OSMR: variants seen among roughly 807,000 people sequenced by gnomAD.
The protein encoded by OSMR is oncostatin-M-specific receptor subunit beta.
Under a neutral mutation model 99.9 loss-of-function variants are expected in OSMR, and 81 were observed. The ratio of observed to expected loss-of-function variants is 0.81; its 90% CI spans 0.68 to 0.97. OSMR has a LOEUF of 0.97. Among genes scored for constraint, OSMR ranks in the 50% least tolerant of loss-of-function variants. The pLI is 0.00. For synonymous variants in OSMR, 406 were observed against 410.4 expected (o/e 0.99, Z 0.13); for missense variants, 1,099 against 1,153.4 (o/e 0.95, Z 0.68).
rs552602539 is a variant in OSMR at position 38,906,240 on chromosome 5, A to T, written c.1285+1737A>T. 3.3e-5 allele frequency among the ~76,000 whole-genome samples: 5 copies of T among 152,090 alleles called. No individual in the cohort carries two copies. In the South Asian group the frequency reaches 1.0e-3, roughly 32 times the overall value. On this transcript the variant is annotated intron_variant, in intron 9 of 17. Coordinates refer to ENST00000274276, the MANE Select transcript of OSMR (RefSeq NM_003999.3). ...AAAAGGGAAGATGGCAAAAGAATAG[A>T]GTTTCTTTTAGATTATAGTAATAAT...
intron 1 of OSMR, among the ~76,000 whole-genome samples, chr5:38,854,353 G>A (rs1740686673): frequency 6.6e-6 from 1 of 152,230 alleles, no homozygotes; most frequent in African/African-American, 2.4e-5. Context: ...AGAACAAGAA[G>A]TGTGGTGAGG....
rs775900413 is a variant in OSMR, at chr5:38,876,367, C to G, written c.240C>G (p.Ile80Met). 2 of 1,612,370 alleles carry G rather than the reference C, an allele frequency of 1.2e-6. No homozygotes were observed. Among genetic ancestry groups the G allele is most frequent in the South Asian group, 2.2e-5 (2 of 90,754 alleles). Residue 80 changes from isoleucine to methionine, a missense_variant, in exon 3 of 18, where the codon ATC becomes ATG. Coordinates refer to ENST00000274276, the MANE Select transcript of OSMR (RefSeq NM_003999.3). ...GTAGGATTGAAACATCCAATGTCAT[C>G]TGGGTGGTAAGTAATTTTTTTGGCT... ...QISRIETSNVIWVGNYSTTVK... is the reference protein window; with the variant it reads ...QISRIETSNVMWVGNYSTTVK...
chr5:38,903,131 G>A (rs948288319), intron 7 of OSMR, among the ~76,000 whole-genome samples: 31 of 152,174 alleles, frequency 2.0e-4, no homozygotes, highest in Non-Finnish European at 8.8e-5. Flanking sequence ...TGAAGCAGGT[G>A]CTCTCTGTGC....
chr5:38,932,825 GCA>G (rs1746822005), intron 17 of OSMR, 45 bp from the exon 18 acceptor site: 1 of 1,611,052 alleles, frequency 6.2e-7, no homozygotes. Context: ...ATGCATGCAT[GCA>G]CACACACAAA....
chr5:38,903,246 A>G (rs908632079), intron 7 of OSMR, among the ~76,000 whole-genome samples: 2 of 152,166 alleles, frequency 1.3e-5, no homozygotes, highest in Non-Finnish European at 2.9e-5. Context: ...GGGATAACAC[A>G]AGCCTTGGAT....
At chr5:38,944,717 A>C in intron 2 of OSMR, 3 of 872,128 alleles carry the variant, frequency 3.4e-6, no homozygotes, top group Non-Finnish European at 5.2e-6. Flanking sequence ...AACTCTAATA[A>C]AAGCAGATAG....
intron 1 of OSMR, among the ~76,000 whole-genome samples, chr5:38,847,240 C>T (rs1161608435): frequency 6.6e-6 from 1 of 152,198 alleles, no homozygotes; most frequent in Non-Finnish European, 1.5e-5. Context: ...TACTTATCAC[C>T]TCTTAGTTTC....
Position 38,925,327 on chromosome 5 carries a change from G to C in OSMR, c.2168G>C (p.Gly723Ala), listed in dbSNP as rs771480578. 6.2e-7 allele frequency: 1 copy of C among 1,613,950 alleles called. No homozygotes were observed. Among genetic ancestry groups the C allele is most frequent in the Non-Finnish European group, 8.5e-7 (1 of 1,179,986 alleles). The part of the protein sequence containing the change: ...FITPFTSAGE[G>A]PSATFTKVTT... ...ACTCCATTCACTAGTGCTGGTGAAG[G>C]CCCCAGTGCTACGTTCACGAAGGTC... is the stretch of plus-strand genomic sequence containing the variant. The change falls in exon 15 of 18, where the codon GGC (glycine) becomes GCC (alanine). Residue 723 changes from glycine (G) to alanine (A), a missense_variant. Physicochemically the swap from Gly to Ala is moderately conservative, Grantham distance 60. Coordinates refer to ENST00000274276, the MANE Select transcript of OSMR (RefSeq NM_003999.3).
intron 1 of OSMR, among the ~76,000 whole-genome samples, chr5:38,861,286 G>A (rs1365948021): frequency 2.0e-5 from 3 of 152,034 alleles, no homozygotes; most frequent in Non-Finnish European, 4.4e-5. Flanking sequence ...CAGTGTTTGT[G>A]TCCCTGGGTA....
chr5:38,864,540 G>GTTTTTTTTTTTT (rs33918195), intron 1 of OSMR, among the ~76,000 whole-genome samples: 3 of 147,252 alleles, frequency 2.0e-5, no homozygotes, highest in African/African-American at 2.5e-5. Flanking sequence ...CTTGCCTGAA[G>GTTTTTTTTTTTT]TTTTTTTTTT....
In OSMR at chr5:38,931,905, A is replaced by G. The variant is rs1169000059; in HGVS notation, c.2235A>G (p.Leu745=). 10 of 1,613,570 alleles carry G rather than the reference A, an allele frequency of 6.2e-6. No homozygotes were observed. Among genetic ancestry groups the G allele is most frequent in the Non-Finnish European group, 8.5e-6 (10 of 1,179,568 alleles). The change falls in exon 16 of 18, where the codon CTA becomes CTG. Residue 745 remains leucine (L), a synonymous_variant. Transcript: ENST00000274276. ...DEHSSMLIHI[L]LPMVFCVLLI... ...CAGCCTCGATGCTGATTCATATCCT[A>G]CTGCCCATGGTTTTCTGCGTCTTGC...
intron 7 of OSMR, among the ~76,000 whole-genome samples, chr5:38,889,252 G>C (rs1743997555): frequency 6.6e-6 from 1 of 151,744 alleles, no homozygotes; most frequent in East Asian, 1.9e-4. Context: ...GTATTTGTTT[G>C]GCCGCCTTCC....
Position 38,873,341 on chromosome 5 carries a change from T to C in OSMR, c.74-2860T>C, listed in dbSNP as rs1742538309. On this transcript the variant is annotated intron_variant, in intron 2 of 17. Coordinates refer to ENST00000274276, the MANE Select transcript of OSMR (RefSeq NM_003999.3). ...GTTTGTTCATCTGGTCATCCACTGA[T>C]GAAAGTTTCAGTTGTTTCCACCTCT... 2.0e-5 allele frequency among the ~76,000 whole-genome samples: 3 copies of C among 152,262 alleles called. No individual in the cohort carries two copies. In the South Asian group the frequency reaches 6.2e-4, roughly 31 times the overall value.
In OSMR at chr5:38,904,354, ACAATGTTTCCAT is replaced by A. The variant is rs780269025; in HGVS notation, c.1140_1151del (p.Asn380_Ile383del). ...TTCTTCTCTTTTTTGATCAAGCAGT[ACAATGTTTCCAT>A]CAAGGTGAACGGTGAGTACTTCTTA... On this transcript the variant is annotated inframe_deletion and splice_region_variant, in exon 9 of 18. Transcript: ENST00000274276. 4 of 1,613,904 alleles carry A rather than the reference ACAATGTTTCCAT, an allele frequency of 2.5e-6. No homozygotes were observed. The South Asian group carries it at 3.3e-5, about 13-fold the overall frequency.
intron 7 of OSMR, among the ~76,000 whole-genome samples, chr5:38,903,080 T>C (rs1454279909): frequency 6.6e-6 from 1 of 152,242 alleles, no homozygotes; most frequent in Non-Finnish European, 1.5e-5. Context: ...CAATGAGCCA[T>C]TGTTCTGTCA....
Position 38,859,046 on chromosome 5 carries a change from C to T in OSMR, c.-13-9986C>T, listed in dbSNP as rs1279358140. On this transcript the variant is annotated intron_variant, in intron 1 of 17. Transcript: ENST00000274276. ...TTTGCAAATATTTGCTCTCATTCTG[C>T]GGGTTTTCTCTTCACTCCGTTGATT... 7.9e-5 allele frequency among the ~76,000 whole-genome samples: 12 copies of T among 152,196 alleles called. 1 individual carries two copies. In the South Asian group the frequency reaches 1.2e-3, roughly 16 times the overall value.
At position 38,876,259 on chromosome 5, in the gene OSMR, G is replaced by A. The variant is rs16867807; in HGVS notation, c.132G>A (p.Thr44=). 4.3e-3 allele frequency: 6,862 copies of A among 1,613,418 alleles called. 272 individuals carry two copies. The African/African-American group carries it at 0.079, about 19-fold the overall frequency. Residue 44 remains threonine (T), a synonymous_variant, in exon 3 of 18, where the codon ACG becomes ACA. Coordinates refer to ENST00000274276, the MANE Select transcript of OSMR (RefSeq NM_003999.3). ...CACTTAAAGTTTCCACCAATTCTAC[G>A]CGTCAGAGTTTGCACTTACAATGGA... ...PVSLKVSTNS[T]RQSLHLQWTV...
chr5:38,886,162 C>G lies in OSMR; in HGVS notation c.963C>G (p.Val321=). The G allele has an allele frequency of 6.2e-7, 1 of 1,613,960 alleles. No individual in the cohort carries two copies. The highest frequency in any genetic ancestry group is 8.5e-7 in the Non-Finnish European group (1 of 1,179,870). ...IAENYLRKRS[V]NILFNLTHRV... ...AAAATTACTTAAGGAAGAGAAGTGT[C>G]AATATCCTTTTTAACCTGACTCATC... Residue 321 remains valine (V), a synonymous_variant, in exon 7 of 18, where the codon GTC becomes GTG. Transcript: ENST00000274276.
At position 38,886,011 on chromosome 5, in the gene OSMR, G is replaced by A. The variant is rs370295426; in HGVS notation, c.840-28G>A. ...TGACAAAAGTAAAAACCTCGTAATG[G>A]TTGTGTTATTTTGTTTTGTTTTTAA... is the stretch of plus-strand genomic sequence containing the variant. On this transcript the variant is annotated intron_variant, in intron 6 of 17. Transcript: ENST00000274276. 2.0e-5 allele frequency: 32 copies of A among 1,611,236 alleles called. No individual in the cohort carries two copies. The African/African-American group carries it at 3.9e-4, about 20-fold the overall frequency.
Sources: gnomAD v4.1 joint callset for allele counts (sites outside exome capture counted in the v4.1 genomes callset) on GRCh38, gnomAD v4.1.1 for gene constraint, MANE v1.5 for transcripts, NCBI Gene and HGNC (gene_info 2026-07-23, HGNC 2026-07-21) for gene names.